Variants in STYXL2 observed in about 807,000 individuals in gnomAD.
The protein encoded by STYXL2 is serine/threonine/tyrosine-interacting-like protein 2.
A neutral mutation model predicts 52.4 loss-of-function variants in STYXL2; 44 were observed. That is an observed-to-expected ratio of 0.84 (90% CI 0.66 to 1.08). The LOEUF is 1.08. Among genes scored for constraint, STYXL2 ranks in the 50% least tolerant of loss-of-function variants. The pLI is 0.00. For missense variants in STYXL2, 1,604 were observed against 1,471.7 expected, an observed-to-expected ratio of 1.09 and a Z score of -1.47; for synonymous variants, 604 against 586.9, an observed-to-expected ratio of 1.03 and a Z score of -0.42.
At chr1:167,099,818 C>T (rs984601764) in intron 2 of STYXL2, among the ~76,000 whole-genome samples, 5 of 152,176 alleles carry the variant, frequency 3.3e-5, no homozygotes, top group East Asian at 1.9e-4. Context: ...AAGATAAATA[C>T]TATAATGTTT....
intron 2 of STYXL2, among the ~76,000 whole-genome samples, chr1:167,109,015 ACT>A (rs1427232051): frequency 6.6e-6 from 1 of 152,020 alleles, no homozygotes; most frequent in Non-Finnish European, 1.5e-5. Flanking sequence ...CCCTGTAAGC[ACT>A]CTCAGTCCCC....
chr1:167,115,983 C>T (rs1054231741), intron 3 of STYXL2, among the ~76,000 whole-genome samples: 8 of 152,120 alleles, frequency 5.3e-5, no homozygotes, highest in African/African-American at 9.7e-5. Flanking sequence ...GCAGATTCCA[C>T]GAGGGGCTGG....
Position 167,129,053 on chromosome 1 carries a change from T to C in STYXL2, c.*445T>C. 6.6e-6 allele frequency: 1 copy of C among 152,006 alleles called. No homozygotes were observed. The highest frequency in any genetic ancestry group is 2.1e-4 in the South Asian group (1 of 4,878). The allele number at this position is 152,006 out of a possible 1,614,324, so 9.4% of individuals were successfully genotyped here. The stretch of plus-strand genomic sequence containing the variant: ...AGTCTATCCTATGGCAAGTCTGACC[T>C]CTCCTGGCAATGCTCAGTTCTGATT... On this transcript the variant is annotated 3_prime_UTR_variant, in exon 6 of 6. Coordinates refer to ENST00000361200, the MANE Select transcript of STYXL2 (RefSeq NM_001080426.3).
chr1:167,126,614 T>C lies in STYXL2; in HGVS notation c.1483T>C (p.Tyr495His). The change falls in exon 6 of 6, where the codon TAC becomes CAC. Residue 495 changes from tyrosine (Y) to histidine (H), a missense_variant. Tyr to His is a moderately conservative substitution (Grantham distance 83). Transcript: ENST00000361200. ...LEIEKEASRR[Y>H]HAKSKREEAA... ...GATTGAGAAGGAGGCTTCCCGGAGGTACCACGCCAAGAGCAAGAGAGAGGA... is the reference window on the plus strand; with the variant it reads ...GATTGAGAAGGAGGCTTCCCGGAGGCACCACGCCAAGAGCAAGAGAGAGGA... 6.2e-7 allele frequency: 1 copy of C among 1,613,552 alleles called. No individual in the cohort carries two copies.
Position 167,126,275 on chromosome 1 carries a change from G to T in STYXL2, c.1144G>T (p.Glu382Ter). Residue 382 changes from glutamate (E) to a stop codon, truncating the protein, a stop_gained, in exon 6 of 6, where the codon GAG (glutamate) becomes TAG (stop). Coordinates refer to ENST00000361200, the MANE Select transcript of STYXL2 (RefSeq NM_001080426.3). LOFTEE classifies it low-confidence loss of function (END_TRUNC). ...WRSASSGQGG[E>*]ELEDEDVERI... ...CTCAGCCTCCTCTGGCCAGGGTGGGGAGGAGCTCGAGGACGAGGACGTGGA... is the reference window on the plus strand; with the variant it reads ...CTCAGCCTCCTCTGGCCAGGGTGGGTAGGAGCTCGAGGACGAGGACGTGGA... 6.5e-7 allele frequency: 1 copy of T among 1,537,040 alleles called. No homozygotes were observed. Among genetic ancestry groups the T allele is most frequent in the Non-Finnish European group, 8.8e-7 (1 of 1,142,700 alleles).
At chr1:167,103,322 A>C (rs934297880) in intron 2 of STYXL2, among the ~76,000 whole-genome samples, 1 of 152,164 alleles carries the variant, frequency 6.6e-6, no homozygotes, top group African/African-American at 2.4e-5. Flanking sequence ...GCACCGTTCA[A>C]CTCACTACAG....
Position 167,125,926 on chromosome 1 carries a change from G to C in STYXL2, c.795G>C (p.Glu265Asp), listed in dbSNP as rs267745. The stretch of plus-strand genomic sequence containing the variant: ...AGAAGCGGGCCATCTACCCCAATGA[G>C]GGCTTCCTGAAGCAGCTGCGGGAGC... ...VRKKRAIYPN[E>D]GFLKQLRELN... The change falls in exon 6 of 6, where the codon GAG (glutamate) becomes GAC (aspartate). Residue 265 changes from glutamate (E) to aspartate (D), a missense_variant. Transcript: ENST00000361200. The C allele has an allele frequency of 0.49, 794,304 of 1,613,744 alleles. 206,698 individuals carry two copies. Among genetic ancestry groups the C allele is most frequent in the East Asian group, 0.9 (40,193 of 44,804 alleles).
At chr1:167,106,507 A>G (rs1048487078) in intron 2 of STYXL2, among the ~76,000 whole-genome samples, 6 of 152,248 alleles carry the variant, frequency 3.9e-5, no homozygotes, top group Admixed American at 6.5e-5. Context: ...CTCATTTTAC[A>G]TAATACTGAC....
At chr1:167,101,115 C>T (rs141577217) in intron 2 of STYXL2, among the ~76,000 whole-genome samples, 1,639 of 152,194 alleles carry the variant, frequency 0.011, 32 homozygotes, top group African/African-American at 0.037. Flanking sequence ...TTTAAAACTC[C>T]CACAACCTAC....
rs1668004956 is a variant in STYXL2, at chr1:167,127,664, A to G, written c.2533A>G (p.Met845Val). The change falls in exon 6 of 6, where the codon ATG (methionine) becomes GTG (valine). Residue 845 changes from methionine (M) to valine (V), a missense_variant. Coordinates refer to ENST00000361200, the MANE Select transcript of STYXL2 (RefSeq NM_001080426.3). ...ELGRKEKEMQ[M>V]ELREKMSEYK... Reference sequence around the variant, plus strand: ...TGGCCGGAAGGAGAAGGAGATGCAGATGGAGCTTAGGGAGAAGATGTCTGA... The same window carrying G: ...TGGCCGGAAGGAGAAGGAGATGCAGGTGGAGCTTAGGGAGAAGATGTCTGA... 2 of 1,614,042 alleles carry G rather than the reference A, an allele frequency of 1.2e-6. No individual in the cohort carries two copies. Among genetic ancestry groups the G allele is most frequent in the African/African-American group, 2.7e-5 (2 of 74,902 alleles).
At chr1:167,096,244 C>T (rs150515231) in intron 2 of STYXL2, among the ~76,000 whole-genome samples, 16 of 151,914 alleles carry the variant, frequency 1.1e-4, no homozygotes, top group African/African-American at 1.9e-4. Context: ...GGCGACAGAG[C>T]GAGACTCCAT....
In STYXL2 at chr1:167,128,263, GA is replaced by G. The variant is rs776987908; in HGVS notation, c.3133del (p.Thr1045ProfsTer49). The G allele has an allele frequency of 5.6e-6, 9 of 1,614,186 alleles. No individual in the cohort carries two copies. In the African/African-American group the frequency reaches 1.2e-4, roughly 22 times the overall value. ...GCCCAGAGCCCTACTTCTTCCGCCG[GA>G]CCCCAGAGTCCTCAGAAAGGGAAGA... ...ESPEPYFFRR[T>X]PESSEREESP... On this transcript the variant is annotated frameshift_variant, in exon 6 of 6. Coordinates refer to ENST00000361200, the MANE Select transcript of STYXL2 (RefSeq NM_001080426.3). LOFTEE classifies it high-confidence loss of function.
rs1165326190 is a variant in STYXL2, at chr1:167,128,462, A to C, written c.3331A>C (p.Arg1111=). ...KERTENREEG[R]FASGRRSQYR... Reference sequence around the variant, plus strand: ...GAGGACAGAAAACAGAGAAGAAGGGAGGTTTGCATCTGGACGGCGGTCCCA... The same window carrying C: ...GAGGACAGAAAACAGAGAAGAAGGGCGGTTTGCATCTGGACGGCGGTCCCA... Residue 1111 remains arginine (R), a synonymous_variant, in exon 6 of 6, where the codon AGG becomes CGG. Coordinates refer to ENST00000361200, the MANE Select transcript of STYXL2 (RefSeq NM_001080426.3). 1 of 1,613,902 alleles carries C rather than the reference A, an allele frequency of 6.2e-7. No individual in the cohort carries two copies. The highest frequency in any genetic ancestry group is 8.5e-7 in the Non-Finnish European group (1 of 1,179,996).
chr1:167,109,062 C>A (rs1293548684), intron 2 of STYXL2, among the ~76,000 whole-genome samples: 1 of 152,148 alleles, frequency 6.6e-6, no homozygotes. Context: ...TCACAGGGGT[C>A]CTTGGGGAGG....
Position 167,128,010 on chromosome 1 carries a change from G to A in STYXL2, c.2879G>A (p.Gly960Glu), listed in dbSNP as rs1571351207. Reference protein sequence around the residue: ...FQSDWSGSSRGKYTRSSLLRE... With the variant: ...FQSDWSGSSREKYTRSSLLRE... ...AGTGACTGGTCTGGAAGTTCCAGAG[G>A]GAAGTACACCAGATCGTCCCTGCTC... Residue 960 changes from glycine to glutamate, a missense_variant, in exon 6 of 6, where the codon GGG (glycine) becomes GAG (glutamate). Coordinates refer to ENST00000361200, the MANE Select transcript of STYXL2 (RefSeq NM_001080426.3). 1 of 1,614,194 alleles carries A rather than the reference G, an allele frequency of 6.2e-7. No homozygotes were observed. Among genetic ancestry groups the A allele is most frequent in the Non-Finnish European group, 8.5e-7 (1 of 1,180,034 alleles).
At chr1:167,121,081 C>T (rs780964674) in intron 5 of STYXL2, among the ~76,000 whole-genome samples, 42 of 150,302 alleles carry the variant, frequency 2.8e-4, no homozygotes, top group Non-Finnish European at 4.7e-4. Flanking sequence ...GTGCCATCTA[C>T]GGCTCACTGC....
chr1:167,096,590 C>T (rs1038592060), intron 2 of STYXL2, among the ~76,000 whole-genome samples: 2 of 152,196 alleles, frequency 1.3e-5, no homozygotes, highest in African/African-American at 2.4e-5. Flanking sequence ...AAAATGGAGA[C>T]AAGCACGGAT....
chr1:167,096,956 T>C (rs1667298461), intron 2 of STYXL2, among the ~76,000 whole-genome samples: 1 of 152,216 alleles, frequency 6.6e-6, no homozygotes, highest in Non-Finnish European at 1.5e-5. Context: ...TGCAACACAT[T>C]ATGGTCGGAT....
intron 5 of STYXL2, 139 bp from the exon 6 acceptor site, chr1:167,125,648 C>G: frequency 1.6e-6 from 2 of 1,288,730 alleles, no homozygotes; most frequent in Non-Finnish European, 2.0e-6. Context: ...GTGTCTTGAG[C>G]CCGGATGAAC....
Sources: gnomAD v4.1 joint callset for allele counts (sites outside exome capture counted in the v4.1 genomes callset) on GRCh38, gnomAD v4.1.1 for gene constraint, MANE v1.5 for transcripts, NCBI Gene and HGNC (gene_info 2026-07-23, HGNC 2026-07-21) for gene names.